KTN1: variants seen among roughly 807,000 people sequenced by gnomAD.
KTN1 encodes the protein kinectin.
KTN1 carries 130 observed loss-of-function variants against 222.5 expected under a neutral mutation model. That is an observed-to-expected ratio of 0.58 (90% CI 0.51 to 0.68). The LOEUF is 0.68. Ranked by LOEUF, KTN1 falls within the 30% of genes least tolerant of loss-of-function variation. The pLI, the probability that KTN1 is intolerant of heterozygous loss-of-function variation, is 0.00. For synonymous variants in KTN1, 512 were observed against 496.3 expected (o/e 1.03, Z -0.42); for missense variants, 1,508 against 1,500.4 (o/e 1.01, Z -0.08).
intron 1 of KTN1, among the ~76,000 whole-genome samples, chr14:55,600,453 A>T (rs1476229114): frequency 6.6e-6 from 1 of 151,986 alleles, no homozygotes; most frequent in East Asian, 1.9e-4. Flanking sequence ...CCACTGGGAG[A>T]AGTTATAGGA....
At chr14:55,635,949 G>A (rs1207028846) in intron 9 of KTN1, among the ~76,000 whole-genome samples, 1 of 151,940 alleles carries the variant, frequency 6.6e-6, no homozygotes, top group Non-Finnish European at 1.5e-5. Flanking sequence ...TTTACTACTG[G>A]CATAGATACG....
At chr14:55,676,950 A>G (rs1222940705) in intron 41 of KTN1, among the ~76,000 whole-genome samples, 1 of 152,148 alleles carries the variant, frequency 6.6e-6, no homozygotes, top group Middle Eastern at 3.2e-3. Context: ...ACGTGATTTT[A>G]ATTTTTGACC....
chr14:55,676,723 T>A (rs995855199), intron 41 of KTN1, among the ~76,000 whole-genome samples: 7 of 152,320 alleles, frequency 4.6e-5, no homozygotes, highest in Non-Finnish European at 7.4e-5. Flanking sequence ...TTAAAAGTTA[T>A]CTCATTTTAA....
At chr14:55,673,723 C>G (rs1349777421) in intron 40 of KTN1, 1 of 152,568 alleles carries the variant, frequency 6.6e-6, no homozygotes, top group Non-Finnish European at 1.5e-5. Flanking sequence ...AACCTAGTCT[C>G]TCTATATATT....
chr14:55,681,685 G>GGTTGA (rs2046380928), intron 43 of KTN1: 2 of 152,134 alleles, frequency 1.3e-5, no homozygotes, highest in Non-Finnish European at 2.9e-5. Context: ...TCCAAGTTTG[G>GGTTGA]CAAGTGGGTG....
At chr14:55,638,408 T>C (rs1179021741) in intron 12 of KTN1, among the ~76,000 whole-genome samples, 1 of 151,928 alleles carries the variant, frequency 6.6e-6, no homozygotes, top group African/African-American at 2.4e-5. Context: ...GTATTGTGAA[T>C]TTTGAGCTTC....
At chr14:55,599,266 A>T (rs866722024) in intron 1 of KTN1, among the ~76,000 whole-genome samples, 1 of 152,052 alleles carries the variant, frequency 6.6e-6, no homozygotes. Flanking sequence ...ACATTCTGTT[A>T]TCAGTTTTTT....
intron 22 of KTN1, 64 bp from the exon 23 acceptor site, chr14:55,650,264 A>G (rs2042805722): frequency 9.6e-7 from 1 of 1,041,238 alleles, no homozygotes. Flanking sequence ...ATTTGGTGCT[A>G]TTTTTATATC....
intron 1 of KTN1, among the ~76,000 whole-genome samples, chr14:55,582,390 T>C (rs909189279): frequency 6.6e-6 from 1 of 152,192 alleles, no homozygotes; most frequent in Non-Finnish European, 1.5e-5. Flanking sequence ...TCAGTCAATA[T>C]GGCTTTTTAA....
chr14:55,607,964 A>G (rs1300062635), intron 1 of KTN1, among the ~76,000 whole-genome samples: 1 of 152,240 alleles, frequency 6.6e-6, no homozygotes, highest in Non-Finnish European at 1.5e-5. Flanking sequence ...AAAAATCACC[A>G]GTGTTATTTC....
chr14:55,652,843 T>C lies in KTN1; in HGVS notation c.2604-7T>C, dbSNP rs762468633. 1.9e-6 allele frequency: 3 copies of C among 1,556,768 alleles called. No homozygotes were observed. Among genetic ancestry groups the C allele is most frequent in the Admixed American group, 3.9e-5 (2 of 51,554 alleles). ...TTCATTTAGAGTTCTGATTAATTTA[T>C]TATCAGATTAAAAGGAAAAGAGGAA... On this transcript the variant is annotated splice_region_variant and splice_polypyrimidine_tract_variant and intron_variant, in intron 25 of 43. Transcript: ENST00000395314.
chr14:55,627,627 A>T (rs1429992841), intron 5 of KTN1, among the ~76,000 whole-genome samples: 1 of 151,962 alleles, frequency 6.6e-6, no homozygotes, highest in Non-Finnish European at 1.5e-5. Context: ...CCCGACAGGC[A>T]TGTTGCCCTT....
chr14:55,583,971 C>G (rs1041790897), intron 1 of KTN1, among the ~76,000 whole-genome samples: 1 of 152,192 alleles, frequency 6.6e-6, no homozygotes, highest in Non-Finnish European at 1.5e-5. Flanking sequence ...CTTACTGCTT[C>G]CACTGCTCAC....
Position 55,616,504 on chromosome 14 carries a change from G to A in KTN1, c.524-13G>A. The A allele has an allele frequency of 6.4e-7, 1 of 1,554,950 alleles. No homozygotes were observed. Among genetic ancestry groups the A allele is most frequent in the Non-Finnish European group, 8.6e-7 (1 of 1,158,918 alleles). ...TTTGCCACAATTATTTTTTTTGTTTGTGTTTAATAAAGATGACCAGGATAA... is the reference window on the plus strand; with the variant it reads ...TTTGCCACAATTATTTTTTTTGTTTATGTTTAATAAAGATGACCAGGATAA... On this transcript the variant is annotated splice_polypyrimidine_tract_variant and intron_variant, in intron 2 of 43. Transcript: ENST00000395314.
intron 1 of KTN1, among the ~76,000 whole-genome samples, chr14:55,595,875 CT>C (rs2034927345): frequency 6.6e-6 from 1 of 152,144 alleles, no homozygotes; most frequent in Non-Finnish European, 1.5e-5. Flanking sequence ...GGTTTGGCGG[CT>C]GGGCGCGGTG....
chr14:55,635,178 GA>G (rs1436131908), intron 9 of KTN1, among the ~76,000 whole-genome samples: 2 of 152,164 alleles, frequency 1.3e-5, no homozygotes, highest in Non-Finnish European at 2.9e-5. Flanking sequence ...CCTGATGAAA[GA>G]AAAAGAAGCA....
At position 55,684,012 on chromosome 14, in the gene KTN1, T is replaced by C; in HGVS notation, c.4070-87T>C. ...GGGCCATGCTAGATCAAATGGAATA[T>C]GTACTTTTGGTGTTTGACAAATGTC... is the stretch of plus-strand genomic sequence containing the variant. On this transcript the variant is annotated intron_variant, in intron 43 of 43. Coordinates refer to ENST00000395314, the MANE Select transcript of KTN1 (RefSeq NM_001079521.2). 3 of 1,140,658 alleles carry C rather than the reference T, an allele frequency of 2.6e-6. No homozygotes were observed. In the South Asian group the frequency reaches 4.1e-5, roughly 16 times the overall value. The allele number at this position is 1,140,658 out of a possible 1,614,324, so 70.7% of individuals were successfully genotyped here.
At chr14:55,602,527 C>T (rs1594779324) in intron 1 of KTN1, among the ~76,000 whole-genome samples, 3 of 151,900 alleles carry the variant, frequency 2.0e-5, no homozygotes, top group Non-Finnish European at 1.5e-5. Context: ...GTGCAACTTA[C>T]AAAGAATGAA....
At chr14:55,660,962 T>C (rs915233177) in intron 31 of KTN1, among the ~76,000 whole-genome samples, 1 of 152,174 alleles carries the variant, frequency 6.6e-6, no homozygotes, top group Non-Finnish European at 1.5e-5. Flanking sequence ...CTCTCAACTA[T>C]AACAGAATCA....
Sources: gnomAD v4.1 joint callset for allele counts (sites outside exome capture counted in the v4.1 genomes callset) on GRCh38, gnomAD v4.1.1 for gene constraint, MANE v1.5 for transcripts, NCBI Gene and HGNC (gene_info 2026-07-23, HGNC 2026-07-21) for gene names.